The following SNX3 variants were observed in gnomAD, a reference collection of about 807,000 sequenced individuals.
SNX3 encodes the protein sorting nexin 3, also known as sorting nexin-3.
SNX3 carries 5 observed loss-of-function variants against 17.7 expected under a neutral mutation model. The observed-to-expected ratio is 0.28, with a 90% CI of 0.15 to 0.59. SNX3 has a LOEUF of 0.59. Ranked by LOEUF, SNX3 falls within the 20% of genes least tolerant of loss-of-function variation. The pLI is 0.88. For synonymous variants in SNX3, 91 were observed against 76.5 expected (o/e 1.19, Z -0.99); for missense variants, 132 against 206.8 (o/e 0.64, Z 2.22).
intron 2 of SNX3, chr6:108,222,302 A>T (rs754588843): frequency 4.6e-6 from 6 of 1,304,046 alleles, no homozygotes; most frequent in East Asian, 5.5e-5. Context: ...CTTGCCTCTG[A>T]TGTCATTCTG....
At chr6:108,258,457 CAA>C (rs531778288) in intron 1 of SNX3, among the ~76,000 whole-genome samples, 55 of 88,888 alleles carry the variant, frequency 6.2e-4, no homozygotes, top group African/African-American at 1.5e-3. Context: ...GACTCCGTCT[CAA>C]AAAAAAAAAA....
chr6:108,256,366 GTA>G (rs767911406), intron 1 of SNX3, among the ~76,000 whole-genome samples: 1 of 152,188 alleles, frequency 6.6e-6, no homozygotes, highest in Non-Finnish European at 1.5e-5. Flanking sequence ...AACAATTTTA[GTA>G]ACTCAACTAA....
Position 108,214,335 on chromosome 6 carries a change from A to G in SNX3, c.383+163T>C, listed in dbSNP as rs566261035. On this transcript the variant is annotated intron_variant, in intron 3 of 3. Transcript: ENST00000230085. ...CAATCACTCAAATGTGTTAATATTT[A>G]TCACATGATATTCAACTTGTCAGAT... Among the ~76,000 whole-genome samples, 6 of 152,370 alleles carry G rather than the reference A, an allele frequency of 3.9e-5. No homozygotes were observed. In the South Asian group the frequency reaches 1.0e-3, roughly 26 times the overall value.
chr6:108,212,372 C>T (rs1774432907), intron 3 of SNX3, 118 bp from the exon 4 acceptor site: 2 of 641,194 alleles, frequency 3.1e-6, no homozygotes, highest in Admixed American at 3.1e-5. Flanking sequence ...TGGAGTCTTG[C>T]TCTGTTGCAC....
intron 1 of SNX3, among the ~76,000 whole-genome samples, chr6:108,251,409 C>A (rs1775853957): frequency 6.6e-6 from 1 of 152,196 alleles, no homozygotes. Flanking sequence ...AGTGTCTACT[C>A]TTCCCTTCTT....
intron 1 of SNX3, among the ~76,000 whole-genome samples, chr6:108,231,240 C>T (rs1775142871): frequency 6.6e-6 from 1 of 152,154 alleles, no homozygotes; most frequent in African/African-American, 2.4e-5. Flanking sequence ...CACGCGCCAC[C>T]ACGCCCGGCT....
chr6:108,260,115 A>G (rs1257711657), intron 1 of SNX3, among the ~76,000 whole-genome samples: 11 of 152,220 alleles, frequency 7.2e-5, no homozygotes, highest in Admixed American at 6.5e-4. Flanking sequence ...TCTTAAAGCA[A>G]CTGTAGTTCT....
intron 1 of SNX3, 150 bp downstream of exon 1, chr6:108,260,610 G>A (rs1012231645): frequency 2.5e-6 from 2 of 802,240 alleles, no homozygotes; most frequent in Non-Finnish European, 3.9e-6. Flanking sequence ...ACAGGAAGAG[G>A]GGCCCTGGCT....
At chr6:108,223,438 G>GAA (rs1491565993) in intron 1 of SNX3, among the ~76,000 whole-genome samples, 1 of 147,774 alleles carries the variant, frequency 6.8e-6, no homozygotes, top group Non-Finnish European at 1.5e-5. Context: ...GCACCCGGCC[G>GAA]AAATCATGAT....
At chr6:108,231,593 A>G (rs1775160318) in intron 1 of SNX3, among the ~76,000 whole-genome samples, 1 of 152,218 alleles carries the variant, frequency 6.6e-6, no homozygotes, top group Admixed American at 6.5e-5. Context: ...ACATAATGTC[A>G]GTTTGTCCCA....
chr6:108,247,029 T>C (rs1277384976), intron 1 of SNX3, among the ~76,000 whole-genome samples: 2 of 152,162 alleles, frequency 1.3e-5, no homozygotes, highest in African/African-American at 4.8e-5. Flanking sequence ...TCCCCACGTG[T>C]AAACCCCCAG....
At chr6:108,258,200 C>T (rs1181189176) in intron 1 of SNX3, among the ~76,000 whole-genome samples, 1 of 152,142 alleles carries the variant, frequency 6.6e-6, no homozygotes, top group African/African-American at 2.4e-5. Context: ...TGGCTCATGC[C>T]TGTAATCCCA....
intron 1 of SNX3, among the ~76,000 whole-genome samples, chr6:108,239,930 C>T (rs1475012208): frequency 1.3e-5 from 2 of 151,998 alleles, no homozygotes; most frequent in Admixed American, 1.3e-4. Context: ...AGAGTAAAAG[C>T]ATAATAATGT....
chr6:108,230,350 T>C (rs888586241), intron 1 of SNX3, among the ~76,000 whole-genome samples: 2 of 152,170 alleles, frequency 1.3e-5, no homozygotes, highest in African/African-American at 4.8e-5. Context: ...CTAGCTACTG[T>C]TCATTTTATT....
chr6:108,235,577 C>T (rs1226354644), intron 1 of SNX3, among the ~76,000 whole-genome samples: 1 of 152,136 alleles, frequency 6.6e-6, no homozygotes, highest in Non-Finnish European at 1.5e-5. Context: ...AGTATTTCAT[C>T]TCTAAAAACT....
rs1166531239 is a variant in SNX3, at chr6:108,233,521, G to A, written c.163-10476C>T. ...CAAATGATTCTCAAGTGCATCCAGG[G>A]TCAAGAACTGCTGCCCTAGGAGTTC... On this transcript the variant is annotated intron_variant, in intron 1 of 3. Coordinates refer to ENST00000230085, the MANE Select transcript of SNX3 (RefSeq NM_003795.6). Among the ~76,000 whole-genome samples, 3 of 152,132 alleles carry A rather than the reference G, an allele frequency of 2.0e-5. No homozygotes were observed. In the East Asian group the frequency reaches 5.8e-4, roughly 29 times the overall value.
intron 1 of SNX3, among the ~76,000 whole-genome samples, chr6:108,251,048 A>G (rs1305031725): frequency 6.6e-6 from 1 of 152,120 alleles, no homozygotes; most frequent in Non-Finnish European, 1.5e-5. Flanking sequence ...AGTAAAACCA[A>G]AATAGTTTTA....
chr6:108,257,918 C>A (rs868368240), intron 1 of SNX3, among the ~76,000 whole-genome samples: 2 of 151,552 alleles, frequency 1.3e-5, no homozygotes, highest in African/African-American at 4.8e-5. Context: ...GAGCCAAGAT[C>A]GCGCCACTGC....
chr6:108,248,556 T>C (rs1775759186), intron 1 of SNX3, among the ~76,000 whole-genome samples: 1 of 152,206 alleles, frequency 6.6e-6, no homozygotes, highest in South Asian at 2.1e-4. Context: ...ATCGGATGTT[T>C]TGAGGGAAGA....
Sources: allele counts gnomAD v4.1 joint callset (sites outside exome capture counted in the v4.1 genomes callset), GRCh38; gene constraint gnomAD v4.1.1; transcripts MANE v1.5; gene names NCBI Gene and HGNC (gene_info 2026-07-23, HGNC 2026-07-21).